The following COL12A1 variants were observed in gnomAD, a reference collection of about 807,000 sequenced individuals.
COL12A1 encodes the protein collagen type XII alpha 1 chain, also known as collagen alpha-1(XII) chain.
In COL12A1, 114 loss-of-function variants were observed where a neutral mutation model predicts 349.7. The ratio of observed to expected loss-of-function variants is 0.33; its 90% CI spans 0.28 to 0.38. The LOEUF (loss-of-function observed/expected upper bound fraction) is 0.38. COL12A1 is among the 10% of genes least tolerant of loss of function. The pLI is 1.00. For synonymous variants in COL12A1, 1,369 were observed against 1,329.0 expected (o/e 1.03, Z -0.66); for missense variants, 3,284 against 3,756.9 (o/e 0.87, Z 3.29).
intron 39 of COL12A1, 151 bp downstream of exon 39, chr6:75,126,200 G>T: frequency 2.6e-6 from 2 of 755,582 alleles, no homozygotes; most frequent in South Asian, 2.4e-5. Context: ...GGCTTAAAAT[G>T]TTATTGCCAA....
chr6:75,161,710 C>T (rs919256571), intron 14 of COL12A1, among the ~76,000 whole-genome samples: 1 of 152,194 alleles, frequency 6.6e-6, no homozygotes, highest in Non-Finnish European at 1.5e-5. Flanking sequence ...AAGAGGAAGT[C>T]AAATTGTCTC....
chr6:75,105,180 C>A, intron 54 of COL12A1, 26 bp downstream of exon 54: 1 of 1,583,452 alleles, frequency 6.3e-7, no homozygotes, highest in East Asian at 2.2e-5. Context: ...AAGGAAAAAC[C>A]AGAGGATCTA....
intron 60 of COL12A1, among the ~76,000 whole-genome samples, chr6:75,091,786 T>C (rs1767780252): frequency 6.6e-6 from 1 of 152,140 alleles, no homozygotes. Context: ...GTGGTCACAA[T>C]TGTAAAAGTT....
intron 14 of COL12A1, among the ~76,000 whole-genome samples, chr6:75,162,111 A>G (rs1239970221): frequency 6.6e-6 from 1 of 152,204 alleles, no homozygotes; most frequent in Non-Finnish European, 1.5e-5. Context: ...TATCCCAATC[A>G]AGCTACCATT....
chr6:75,098,840 G>C (rs1164959620), intron 58 of COL12A1, among the ~76,000 whole-genome samples: 1 of 152,174 alleles, frequency 6.6e-6, no homozygotes, highest in Non-Finnish European at 1.5e-5. Context: ...CCACAGGCTT[G>C]ATCTCTGGCT....
At chr6:75,141,454 G>T (rs1331052455) in intron 27 of COL12A1, among the ~76,000 whole-genome samples, 1 of 152,168 alleles carries the variant, frequency 6.6e-6, no homozygotes, top group Non-Finnish European at 1.5e-5. Context: ...CAGGGTCTGG[G>T]CAGGCTGCCC....
intron 13 of COL12A1, among the ~76,000 whole-genome samples, chr6:75,167,477 G>T (rs534298134): frequency 3.3e-5 from 5 of 152,160 alleles, no homozygotes; most frequent in African/African-American, 7.2e-5. Flanking sequence ...AGGTTAACTA[G>T]AATGTGGAAA....
chr6:75,174,938 T>C (rs1768838911), intron 13 of COL12A1, 100 bp downstream of exon 13: 2 of 1,295,920 alleles, frequency 1.5e-6, no homozygotes, highest in Admixed American at 2.2e-5. Flanking sequence ...AGAGAAAGGA[T>C]TGCACACTTC....
intron 36 of COL12A1, 36 bp from the exon 37 acceptor site, chr6:75,130,269 C>A (rs1354664686): frequency 6.2e-7 from 1 of 1,603,018 alleles, no homozygotes; most frequent in Admixed American, 1.7e-5. Context: ...TTGTTGCCTG[C>A]CTGTGAGCAT....
intron 34 of COL12A1, among the ~76,000 whole-genome samples, 163 bp downstream of exon 34, chr6:75,133,130 A>G (rs1341572459): frequency 6.6e-6 from 1 of 152,218 alleles, no homozygotes; most frequent in African/African-American, 2.4e-5. Flanking sequence ...ATTTCACACA[A>G]AATGTTAACA....
At position 75,189,202 on chromosome 6, in the gene COL12A1, C is replaced by G. The variant is rs758763005; in HGVS notation, c.823+15G>C. 2.5e-6 allele frequency: 4 copies of G among 1,609,390 alleles called. No individual in the cohort carries two copies. Among genetic ancestry groups the G allele is most frequent in the Non-Finnish European group, 3.4e-6 (4 of 1,178,094 alleles). ...GGAGTTGTAAAATGGAAATAATTAA[C>G]TGAACTTAACCTACCCAAGGAGAAA... On this transcript the variant is annotated intron_variant, in intron 7 of 65. Transcript: ENST00000322507.
At chr6:75,177,270 C>T (rs1018573360) in intron 12 of COL12A1, among the ~76,000 whole-genome samples, 2 of 151,970 alleles carry the variant, frequency 1.3e-5, no homozygotes, top group Non-Finnish European at 2.9e-5. Flanking sequence ...AACCCTCTTT[C>T]TACTAAAAAT....
At chr6:75,087,828 C>A in intron 64 of COL12A1, 81 bp from the exon 65 acceptor site, 2 of 1,375,652 alleles carry the variant, frequency 1.5e-6, no homozygotes, top group Middle Eastern at 1.9e-4. Context: ...TTAAGTGGCA[C>A]CTCCACTGTC....
At position 75,117,530 on chromosome 6, in the gene COL12A1, T is replaced by C; in HGVS notation, c.7371A>G (p.Val2457=). 1 of 1,613,514 alleles carries C rather than the reference T, an allele frequency of 6.2e-7. No homozygotes were observed. Among genetic ancestry groups the C allele is most frequent in the Non-Finnish European group, 8.5e-7 (1 of 1,179,554 alleles). Residue 2457 remains valine, a synonymous_variant, in exon 47 of 66, where the codon GTA becomes GTG. Transcript: ENST00000322507. ...VIQQSGFSVF[V]VGVADVDYNE... ...TGTAGTCGACATCAGCCACACCAAC[T>C]ACAAAGACACTGAACCCTGCAAAGT...
At chr6:75,125,309 C>T (rs774616701) in intron 39 of COL12A1, 36 bp from the exon 40 acceptor site, 3 of 1,532,498 alleles carry the variant, frequency 2.0e-6, no homozygotes, top group South Asian at 1.3e-5. Flanking sequence ...CAGAAACATG[C>T]CATCAATAGC....
chr6:75,202,572 A>G (rs887739361), intron 2 of COL12A1, 148 bp downstream of exon 2: 7 of 719,464 alleles, frequency 9.7e-6, no homozygotes, highest in Non-Finnish European at 1.6e-5. Flanking sequence ...ACCTCAGGAG[A>G]AAGGGGCGTT....
At position 75,091,404 on chromosome 6, in the gene COL12A1, G is replaced by A. The variant is rs1485762235; in HGVS notation, c.8686-15C>T. On this transcript the variant is annotated splice_polypyrimidine_tract_variant and intron_variant, in intron 61 of 65. Transcript: ENST00000322507. ...GCAATGTCTCCCTTGTTGAATTAAT[G>A]AGAATGATTAGCATATTAGTTCTAT... 6 of 1,613,232 alleles carry A rather than the reference G, an allele frequency of 3.7e-6. No homozygotes were observed. The highest frequency in any genetic ancestry group is 1.7e-5 in the Admixed American group (1 of 60,016).
intron 52 of COL12A1, among the ~76,000 whole-genome samples, chr6:75,106,725 CT>C (rs1360059169): frequency 6.6e-6 from 1 of 152,068 alleles, no homozygotes; most frequent in Non-Finnish European, 1.5e-5. Flanking sequence ...TGATTCACTT[CT>C]TTGGCCAAAA....
intron 57 of COL12A1, 145 bp downstream of exon 57, chr6:75,101,854 G>A: frequency 9.6e-7 from 1 of 1,036,720 alleles, no homozygotes; most frequent in East Asian, 2.4e-5. Flanking sequence ...CAACTTGAAG[G>A]TTAAGACCAG....
Sources: allele counts gnomAD v4.1 joint callset (sites outside exome capture counted in the v4.1 genomes callset), GRCh38; gene constraint gnomAD v4.1.1; transcripts MANE v1.5; gene names NCBI Gene and HGNC (gene_info 2026-07-23, HGNC 2026-07-21).